SOX5: variants seen among roughly 807,000 people sequenced by gnomAD.
SOX5 encodes SRY-box transcription factor 5, also known as transcription factor SOX-5.
Under a neutral mutation model 92.0 loss-of-function variants are expected in SOX5, and 9 were observed. The observed-to-expected ratio is 0.10, with a 90% confidence interval of 0.06 to 0.17. The LOEUF (loss-of-function observed/expected upper bound fraction) is 0.17, where lower values mean the gene tolerates loss of function less well. SOX5 is among the 10% of genes least tolerant of loss of function. SOX5 has a pLI of 1.00. For missense variants in SOX5, 642 were observed against 944.5 expected (o/e 0.68, Z 4.20); for synonymous variants, 344 against 336.3 (o/e 1.02, Z -0.25).
At chr12:23,753,007 A>G (rs1200848573) in intron 4 of SOX5, among the ~76,000 whole-genome samples, 1 of 151,830 alleles carries the variant, frequency 6.6e-6, no homozygotes, top group Non-Finnish European at 1.5e-5. Context: ...CAACATGAAA[A>G]ATAACTTTAT....
At chr12:23,912,696 G>A (rs983422443) in intron 1 of SOX5, among the ~76,000 whole-genome samples, 1 of 152,134 alleles carries the variant, frequency 6.6e-6, no homozygotes, top group Non-Finnish European at 1.5e-5. Flanking sequence ...CAAAACTGAT[G>A]AACCTTGAAA....
rs540185565 is a variant in SOX5, at chr12:23,844,098, A to T, written c.481+1885T>A. On this transcript the variant is annotated intron_variant, in intron 3 of 14. Coordinates refer to ENST00000451604, the MANE Select transcript of SOX5 (RefSeq NM_006940.6). Reference sequence around the variant, plus strand: ...GCTTGCCTACCTTAAACTTGCTCAGAACACTTATGTTGTTAGTCCACCACA... The same window carrying T: ...GCTTGCCTACCTTAAACTTGCTCAGTACACTTATGTTGTTAGTCCACCACA... Among the ~76,000 whole-genome samples, 16 of 152,324 alleles carry T rather than the reference A, an allele frequency of 1.1e-4. No homozygotes were observed. In the South Asian group the frequency reaches 3.3e-3, roughly 32 times the overall value.
intron 4 of SOX5, among the ~76,000 whole-genome samples, chr12:23,753,806 T>C (rs1170810715): frequency 1.3e-5 from 2 of 151,768 alleles, no homozygotes; most frequent in Non-Finnish European, 1.5e-5. Flanking sequence ...CAACACACTA[T>C]TGTATCCTCT....
At chr12:24,072,091 G>T (rs1032047544) in intron 4 of SOX5, among the ~76,000 whole-genome samples, 1 of 152,120 alleles carries the variant, frequency 6.6e-6, no homozygotes, top group Non-Finnish European at 1.5e-5. Flanking sequence ...TATTTCTATG[G>T]TTCTGAATCA....
intron 1 of SOX5, among the ~76,000 whole-genome samples, chr12:24,395,234 G>C (rs1959609213): frequency 6.6e-6 from 1 of 151,440 alleles, no homozygotes; most frequent in South Asian, 2.1e-4. Flanking sequence ...TAAGGATGGA[G>C]AACACAGATC....
intron 6 of SOX5, among the ~76,000 whole-genome samples, chr12:23,714,090 CAAAA>C (rs545073798): frequency 2.1e-5 from 2 of 94,632 alleles, no homozygotes; most frequent in Non-Finnish European, 2.3e-5. Flanking sequence ...GACTCCGCCT[CAAAA>C]AAAAAAAAAA....
intron 4 of SOX5, among the ~76,000 whole-genome samples, chr12:24,170,163 T>A (rs1953915846): frequency 1.4e-5 from 2 of 147,512 alleles, no homozygotes; most frequent in African/African-American, 5.0e-5. Context: ...AATAAAAGAG[T>A]GGTTTCACAG....
intron 2 of SOX5, among the ~76,000 whole-genome samples, chr12:24,315,838 A>G (rs1014544660): frequency 3.9e-5 from 6 of 152,228 alleles, no homozygotes; most frequent in Non-Finnish European, 7.3e-5. Flanking sequence ...CTTAGGCTCA[A>G]ATGAAAGTTA....
chr12:24,447,228 A>C (rs771499900), intron 1 of SOX5, among the ~76,000 whole-genome samples: 4 of 152,184 alleles, frequency 2.6e-5, no homozygotes, highest in Non-Finnish European at 5.9e-5. Context: ...GGCCAGGTGA[A>C]AAAGGTTAGT....
intron 2 of SOX5, among the ~76,000 whole-genome samples, chr12:24,344,686 G>A (rs112202244): frequency 8.1e-4 from 124 of 152,296 alleles, no homozygotes; most frequent in African/African-American, 2.9e-3. Context: ...ATGTGCTTGG[G>A]TGGTCTCTTG....
chr12:24,375,755 G>T (rs1328719285), intron 1 of SOX5, among the ~76,000 whole-genome samples: 1 of 127,678 alleles, frequency 7.8e-6, no homozygotes. Flanking sequence ...AAAAAAAAAA[G>T]TGAGAATACA....
intron 4 of SOX5, among the ~76,000 whole-genome samples, chr12:23,744,748 C>G (rs1363751957): frequency 3.3e-5 from 5 of 152,076 alleles, no homozygotes; most frequent in Admixed American, 1.3e-4. Context: ...CAGATTTAAG[C>G]ATATACAATA....
chr12:24,201,376 T>C (rs1957502866), intron 4 of SOX5, among the ~76,000 whole-genome samples: 1 of 152,094 alleles, frequency 6.6e-6, no homozygotes, highest in African/African-American at 2.4e-5. Context: ...TGCATAGTCT[T>C]ATACACAAAC....
rs558880640 is a variant in SOX5 at position 24,106,357 on chromosome 12, C to T, written c.-2+106986G>A. The stretch of plus-strand genomic sequence containing the variant: ...ATGTAAACAAATGGGACTGTGGATA[C>T]TTACAAAACATTATTCTATTGGGGA... On this transcript the variant is annotated intron_variant, in intron 4 of 4. Transcript: ENST00000446891. Among the ~76,000 whole-genome samples, 20 of 152,208 alleles carry T rather than the reference C, an allele frequency of 1.3e-4. 1 individual carries two copies. The highest frequency in any genetic ancestry group is 7.2e-4 in the Admixed American group (11 of 15,288).
intron 3 of SOX5, among the ~76,000 whole-genome samples, chr12:24,270,297 G>A (rs987936584): frequency 6.6e-6 from 1 of 152,082 alleles, no homozygotes; most frequent in Non-Finnish European, 1.5e-5. Context: ...CTGAGCTCGT[G>A]ATCCACCTGC....
chr12:24,523,134 T>C (rs1188238700), intron 1 of SOX5, among the ~76,000 whole-genome samples: 2 of 150,168 alleles, frequency 1.3e-5, no homozygotes, highest in Non-Finnish European at 3.0e-5. Flanking sequence ...CTGAAAAAAA[T>C]AGGAAAACAA....
At position 23,565,221 on chromosome 12, in the gene SOX5, T is replaced by C. The variant is rs909166516; in HGVS notation, c.1343-1818A>G. On this transcript the variant is annotated intron_variant, in intron 10 of 14. Transcript: ENST00000451604. ...ACTGTAAAAGATGGTTGTATTTTAT[T>C]ATCCTCAACATCCTAATTTGGATCT... 5.3e-5 allele frequency among the ~76,000 whole-genome samples: 8 copies of C among 152,336 alleles called. No homozygotes were observed. In the East Asian group the frequency reaches 9.6e-4, roughly 18 times the overall value.
chr12:23,847,559 CAT>C (rs1208971460), intron 2 of SOX5, among the ~76,000 whole-genome samples: 4 of 151,942 alleles, frequency 2.6e-5, no homozygotes, highest in East Asian at 1.9e-4. Context: ...TCAACACAAA[CAT>C]AATCTGTTAA....
chr12:24,386,005 CTT>C (rs1276442307), intron 1 of SOX5, among the ~76,000 whole-genome samples: 2 of 148,372 alleles, frequency 1.3e-5, no homozygotes, highest in Non-Finnish European at 3.0e-5. Context: ...GTTTTAAAAT[CTT>C]TACTAACTAC....
Sources: allele counts gnomAD v4.1 joint callset (sites outside exome capture counted in the v4.1 genomes callset), GRCh38; gene constraint gnomAD v4.1.1; transcripts MANE v1.5; gene names NCBI Gene and HGNC (gene_info 2026-07-23, HGNC 2026-07-21).